The following TMEM168 variants were observed in gnomAD, a reference collection of about 807,000 sequenced individuals.
The protein encoded by TMEM168 is transmembrane protein 168.
Under a neutral mutation model 53.2 loss-of-function variants are expected in TMEM168, and 40 were observed. The observed-to-expected ratio is 0.75, with a 90% CI of 0.58 to 0.98. TMEM168 has a LOEUF of 0.98. Among genes scored for constraint, TMEM168 ranks in the 50% least tolerant of loss-of-function variants. TMEM168 has a pLI of 0.00. For synonymous variants in TMEM168, 282 were observed against 293.0 expected (o/e 0.96, Z 0.38); for missense variants, 771 against 828.8 (o/e 0.93, Z 0.86).
intron 1 of TMEM168, among the ~76,000 whole-genome samples, chr7:112,787,316 A>C (rs1793409133): frequency 6.6e-6 from 1 of 152,034 alleles, no homozygotes; most frequent in East Asian, 1.9e-4. Context: ...CTAAGTGTTG[A>C]AATGACCTGT....
chr7:112,781,397 C>T (rs1310130238), intron 2 of TMEM168, among the ~76,000 whole-genome samples: 1 of 152,076 alleles, frequency 6.6e-6, no homozygotes, highest in Non-Finnish European at 1.5e-5. Context: ...TGTTCTCCAA[C>T]TACATGGAAT....
intron 4 of TMEM168, among the ~76,000 whole-genome samples, chr7:112,769,474 C>T (rs1792875439): frequency 6.6e-6 from 1 of 152,162 alleles, no homozygotes; most frequent in Non-Finnish European, 1.5e-5. Flanking sequence ...CATTGCCCAA[C>T]ATGCCATCCA....
In TMEM168 at chr7:112,771,856, GA is replaced by G. The variant is rs374546674; in HGVS notation, c.1546+924del. 6.8e-3 allele frequency among the ~76,000 whole-genome samples: 1,016 copies of G among 148,896 alleles called. 3 individuals carry two copies. Among genetic ancestry groups the G allele is most frequent in the Middle Eastern group, 0.014 (4 of 294 alleles). On this transcript the variant is annotated intron_variant, in intron 4 of 4. Coordinates refer to ENST00000312814, the MANE Select transcript of TMEM168 (RefSeq NM_022484.6). Reference sequence around the variant, plus strand: ...GGTTTAAAACATCTACACTTTTATGGAAAAAAAAATCATGTAATTAAATCTA... The same window carrying G: ...GGTTTAAAACATCTACACTTTTATGGAAAAAAAATCATGTAATTAAATCTA...
chr7:112,764,484 C>G lies in TMEM168; in HGVS notation c.*2713G>C, dbSNP rs1277663127. 6.6e-6 allele frequency: 1 copy of G among 151,360 alleles called. No individual in the cohort carries two copies. Among genetic ancestry groups the G allele is most frequent in the South Asian group, 2.1e-4 (1 of 4,802 alleles). The allele number at this position is 151,360 out of a possible 1,614,324, so 9.4% of individuals were successfully genotyped here. A position where few individuals can be genotyped will look rare whatever the true frequency, so the allele number is the denominator to read the frequency against. On this transcript the variant is annotated 3_prime_UTR_variant, in exon 5 of 5. Coordinates refer to ENST00000312814, the MANE Select transcript of TMEM168 (RefSeq NM_022484.6). ...TTCTTGTAATATTTCTTTTCTACAC[C>G]CTTATTATTTTTTTTGTTTGTTTCT...
At chr7:112,774,117 G>A (rs537732452) in intron 3 of TMEM168, among the ~76,000 whole-genome samples, 1 of 152,060 alleles carries the variant, frequency 6.6e-6, no homozygotes, top group Admixed American at 6.5e-5. Flanking sequence ...TCTCCCCCAG[G>A]GAAAGTGTGA....
At chr7:112,769,371 C>T (rs1011350997) in intron 4 of TMEM168, among the ~76,000 whole-genome samples, 5 of 152,274 alleles carry the variant, frequency 3.3e-5, no homozygotes, top group African/African-American at 9.6e-5. Context: ...TGTTAACTCT[C>T]CATTATTGTC....
intron 2 of TMEM168, among the ~76,000 whole-genome samples, chr7:112,780,938 C>T (rs1201013488): frequency 6.5e-5 from 7 of 107,932 alleles, no homozygotes. Context: ...ATACATGATC[C>T]GTATCAAAAA....
intron 2 of TMEM168, 123 bp from the exon 3 acceptor site, chr7:112,775,441 G>T (rs1408659626): frequency 2.4e-6 from 2 of 840,252 alleles, no homozygotes; most frequent in Non-Finnish European, 3.4e-6. Context: ...AACAATTAAT[G>T]ATCTAAAAAC....
intron 2 of TMEM168, 117 bp downstream of exon 2, chr7:112,783,581 A>C: frequency 9.4e-7 from 1 of 1,062,946 alleles, no homozygotes; most frequent in Non-Finnish European, 1.3e-6. Flanking sequence ...CAAAATTAAG[A>C]GCAAACATGA....
chr7:112,784,613 A>G lies in TMEM168; in HGVS notation c.213T>C (p.Gly71=). Reference sequence around the variant, plus strand: ...TGCTGGCGATTCCAAGAACAAAAAGACCAAGAATAAAAATTACCAAAATTA... The same window carrying G: ...TGCTGGCGATTCCAAGAACAAAAAGGCCAAGAATAAAAATTACCAAAATTA... The part of the protein sequence containing the change: ...NSLILVIFIL[G]LFVLGIASIL... The change falls in exon 2 of 5, where the codon GGT becomes GGC. Residue 71 remains glycine, a synonymous_variant. Transcript: ENST00000312814. 1 of 1,612,258 alleles carries G rather than the reference A, an allele frequency of 6.2e-7. No individual in the cohort carries two copies. Among genetic ancestry groups the G allele is most frequent in the East Asian group, 2.2e-5 (1 of 44,862 alleles).
intron 2 of TMEM168, among the ~76,000 whole-genome samples, chr7:112,776,113 T>C (rs1259937973): frequency 1.3e-5 from 2 of 151,390 alleles, no homozygotes; most frequent in African/African-American, 2.4e-5. Context: ...TCTCTATTAC[T>C]TTCTTTCTGT....
At chr7:112,786,277 C>T (rs913903181) in intron 1 of TMEM168, among the ~76,000 whole-genome samples, 1 of 152,124 alleles carries the variant, frequency 6.6e-6, no homozygotes, top group African/African-American at 2.4e-5. Flanking sequence ...CACTAAAAGG[C>T]TCAAGAGAAA....
intron 4 of TMEM168, among the ~76,000 whole-genome samples, 185 bp downstream of exon 4, chr7:112,772,595 CA>C (rs1314813886): frequency 6.6e-6 from 1 of 152,036 alleles, no homozygotes; most frequent in Non-Finnish European, 1.5e-5. Flanking sequence ...ACGTAATTCC[CA>C]ATCTTATCAT....
chr7:112,787,763 A>ATTTTT (rs1793431108), intron 1 of TMEM168, among the ~76,000 whole-genome samples: 1 of 61,048 alleles, frequency 1.6e-5, no homozygotes, highest in African/African-American at 5.7e-5. Flanking sequence ...ACAGAGTTTC[A>ATTTTT]TTCTTGTTGC....
chr7:112,767,816 T>C (rs1792827090), intron 4 of TMEM168, 72 bp from the exon 5 acceptor site: 10 of 1,371,934 alleles, frequency 7.3e-6, no homozygotes, highest in Middle Eastern at 1.9e-4. Flanking sequence ...TCTTAATCAT[T>C]TTCTTCTAGA....
chr7:112,765,429 A>T lies in TMEM168; in HGVS notation c.*1768T>A, dbSNP rs1792750127. Reference sequence around the variant, plus strand: ...TGTATTTGGCTTTCTTAAAGTGAAGAGATAATGCTTTAAAGCTAACCTGCT... The same window carrying T: ...TGTATTTGGCTTTCTTAAAGTGAAGTGATAATGCTTTAAAGCTAACCTGCT... On this transcript the variant is annotated 3_prime_UTR_variant, in exon 5 of 5. Transcript: ENST00000312814. 6.6e-6 allele frequency: 1 copy of T among 152,208 alleles called. No homozygotes were observed. The highest frequency in any genetic ancestry group is 2.4e-5 in the African/African-American group (1 of 41,468). 9.4% of individuals were successfully genotyped at this position (152,208 alleles called of 1,614,324 possible). A position where few individuals can be genotyped will look rare whatever the true frequency, so the allele number is the denominator to read the frequency against.
intron 4 of TMEM168, among the ~76,000 whole-genome samples, chr7:112,768,918 G>A (rs963837895): frequency 2.0e-5 from 3 of 152,162 alleles, no homozygotes; most frequent in Non-Finnish European, 2.9e-5. Context: ...TTATTGATGA[G>A]AAAATGTCTA....
intron 2 of TMEM168, among the ~76,000 whole-genome samples, chr7:112,780,559 T>C (rs1306784413): frequency 1.3e-5 from 2 of 152,094 alleles, no homozygotes; most frequent in African/African-American, 4.8e-5. Context: ...ATGATTTAAA[T>C]AAGAAGTCAG....
rs772721466 is a variant in TMEM168 at position 112,767,182 on chromosome 7, G to A, written c.*15C>T. The A allele has an allele frequency of 2.7e-5, 43 of 1,598,990 alleles. No individual in the cohort carries two copies. Among genetic ancestry groups the A allele is most frequent in the East Asian group, 8.9e-5 (4 of 44,760 alleles). On this transcript the variant is annotated 3_prime_UTR_variant, in exon 5 of 5. Coordinates refer to ENST00000312814, the MANE Select transcript of TMEM168 (RefSeq NM_022484.6). Reference sequence around the variant, plus strand: ...TAGTATGAGTGCTTATTAATATCCCGCTTTGGGGTCCAAATTAAGATTTGA... The same window carrying A: ...TAGTATGAGTGCTTATTAATATCCCACTTTGGGGTCCAAATTAAGATTTGA...
Sources: gnomAD v4.1 joint callset for allele counts (sites outside exome capture counted in the v4.1 genomes callset) on GRCh38, gnomAD v4.1.1 for gene constraint, MANE v1.5 for transcripts, NCBI Gene and HGNC (gene_info 2026-07-23, HGNC 2026-07-21) for gene names.